The following TMCO4 variants were observed in gnomAD, a reference collection of about 807,000 sequenced individuals.
The protein encoded by TMCO4 is transmembrane and coiled-coil domain-containing protein 4.
A neutral mutation model predicts 64.7 loss-of-function variants in TMCO4; 58 were observed. The observed-to-expected ratio is 0.90, with a 90% CI of 0.73 to 1.12. The LOEUF (loss-of-function observed/expected upper bound fraction) is 1.12, where lower values mean the gene tolerates loss of function less well. Ranked by LOEUF, TMCO4 falls within the 50% of genes most tolerant of loss-of-function variation. TMCO4 has a pLI of 0.00. For missense variants in TMCO4, 780 were observed against 825.9 expected (o/e 0.94, Z 0.68); for synonymous variants, 325 against 346.1 (o/e 0.94, Z 0.68).
intron 4 of TMCO4, among the ~76,000 whole-genome samples, chr1:19,774,020 T>G (rs959047080): frequency 6.6e-6 from 1 of 152,030 alleles, no homozygotes; most frequent in African/African-American, 2.4e-5. Flanking sequence ...CACAGGTGAG[T>G]TGGGCAGGTT....
At chr1:19,763,171 G>A (rs550857342) in intron 6 of TMCO4, among the ~76,000 whole-genome samples, 1 of 152,150 alleles carries the variant, frequency 6.6e-6, no homozygotes, top group South Asian at 2.1e-4. Flanking sequence ...CGTCTCCAGG[G>A]TTCAAGCGAT....
chr1:19,706,371 T>G (rs976939721), intron 13 of TMCO4, among the ~76,000 whole-genome samples: 3 of 152,236 alleles, frequency 2.0e-5, no homozygotes, highest in Non-Finnish European at 4.4e-5. Flanking sequence ...CACTGCCCTT[T>G]CACTGCATGG....
At chr1:19,782,640 G>A (rs2043545084) in intron 3 of TMCO4, among the ~76,000 whole-genome samples, 1 of 152,152 alleles carries the variant, frequency 6.6e-6, no homozygotes, top group Non-Finnish European at 1.5e-5. Context: ...TTCCCAGGGG[G>A]AAAAGGGAAA....
chr1:19,743,481 T>C lies in TMCO4; in HGVS notation c.877+2051A>G, dbSNP rs2041625361. The stretch of plus-strand genomic sequence containing the variant: ...GTAGGAATATGTGATATTTTTTCCT[T>C]CTGAAACTTTCTCTAGCTTGGTTGT... On this transcript the variant is annotated intron_variant, in intron 10 of 15. Transcript: ENST00000294543. The surrounding 1 kb of genome is among the most constrained non-coding windows in gnomAD (Gnocchi z 4.1). Among the ~76,000 whole-genome samples, 1 of 152,192 alleles carries C rather than the reference T, an allele frequency of 6.6e-6. No individual in the cohort carries two copies. Among genetic ancestry groups the C allele is most frequent in the African/African-American group, 2.4e-5 (1 of 41,444 alleles).
At position 19,682,992 on chromosome 1, in the gene TMCO4, G is replaced by C; in HGVS notation, c.*48C>G. ...GGGAGGAACCCGAGGGTATAAGAGAGAGCTGCATATGGAGACTGGGGAAGA... is the reference window on the plus strand; with the variant it reads ...GGGAGGAACCCGAGGGTATAAGAGACAGCTGCATATGGAGACTGGGGAAGA... On this transcript the variant is annotated 3_prime_UTR_variant, in exon 16 of 16. Coordinates refer to ENST00000294543, the MANE Select transcript of TMCO4 (RefSeq NM_181719.7). The C allele has an allele frequency of 6.6e-7, 1 of 1,525,836 alleles. No individual in the cohort carries two copies. The highest frequency in any genetic ancestry group is 8.8e-7 in the Non-Finnish European group (1 of 1,140,274). 94.5% of individuals were successfully genotyped at this position (1,525,836 alleles called of 1,614,324 possible).
At position 19,760,085 on chromosome 1, in the gene TMCO4, T is replaced by G. The variant is rs2042431422; in HGVS notation, c.383-4319A>C. Among the ~76,000 whole-genome samples, 4 of 152,080 alleles carry G rather than the reference T, an allele frequency of 2.6e-5. No homozygotes were observed. The South Asian group carries it at 8.3e-4, about 32-fold the overall frequency. On this transcript the variant is annotated intron_variant, in intron 6 of 15. Coordinates refer to ENST00000294543, the MANE Select transcript of TMCO4 (RefSeq NM_181719.7). ...CCCCAGGGGACTAGGGGAGAGTGGA[T>G]TAATGGGTTAAGGCCTCTCTCCTCC...
chr1:19,695,808 A>G (rs1339070627), intron 14 of TMCO4, among the ~76,000 whole-genome samples: 1 of 151,252 alleles, frequency 6.6e-6, no homozygotes, highest in East Asian at 2.0e-4. Context: ...TCCTCTACAG[A>G]CTCTCCTGCT....
intron 14 of TMCO4, among the ~76,000 whole-genome samples, chr1:19,697,677 T>C (rs192834732): frequency 0.013 from 1,739 of 134,886 alleles, 16 homozygotes; most frequent in Non-Finnish European, 0.021. Flanking sequence ...TGGCTCATTG[T>C]ACCCTCTGCC....
intron 15 of TMCO4, among the ~76,000 whole-genome samples, chr1:19,686,156 GAC>G (rs1029247809): frequency 2.0e-5 from 3 of 152,226 alleles, no homozygotes; most frequent in East Asian, 1.9e-4. Flanking sequence ...TTTGCTTAAT[GAC>G]ACACAGCGCA....
In TMCO4 at chr1:19,683,283, C is replaced by T; in HGVS notation, c.1662G>A (p.Glu554=). ...GGGTTTGCCCAACCTGGTGGGGGGT[C>T]TCGCCTGATGAGGCGGCAGCTGCTG... The part of the protein sequence containing the change: ...RQAAAAASSG[E]TPHQVGQTQG... Residue 554 remains glutamate (E), a synonymous_variant, in exon 16 of 16, where the codon GAG becomes GAA. Transcript: ENST00000294543. 6.2e-7 allele frequency: 1 copy of T among 1,614,074 alleles called. No homozygotes were observed. Among genetic ancestry groups the T allele is most frequent in the Non-Finnish European group, 8.5e-7 (1 of 1,179,984 alleles).
chr1:19,728,743 G>C lies in TMCO4; in HGVS notation c.1264+8629C>G, dbSNP rs547342137. ...GGTTCCCGGGCACCATCCAACACTGGGGTTCTCACCCAAGCACCCTCAGAG... is the reference window on the plus strand; with the variant it reads ...GGTTCCCGGGCACCATCCAACACTGCGGTTCTCACCCAAGCACCCTCAGAG... On this transcript the variant is annotated intron_variant, in intron 13 of 15. Transcript: ENST00000294543. Among the ~76,000 whole-genome samples the C allele has an allele frequency of 1.5e-3, 229 of 152,230 alleles. 1 individual carries two copies. Among genetic ancestry groups the C allele is most frequent in the African/African-American group, 5.3e-3 (221 of 41,540 alleles).
rs1432396885 is a variant in TMCO4 at position 19,733,607 on chromosome 1, C to T, written c.1264+3765G>A. Reference sequence around the variant, plus strand: ...GGGAGCTATTTCCAAAATAGGGGTGCCTGATCCCTTCCATATAGGGGCCTC... The same window carrying T: ...GGGAGCTATTTCCAAAATAGGGGTGTCTGATCCCTTCCATATAGGGGCCTC... On this transcript the variant is annotated intron_variant, in intron 13 of 15. Transcript: ENST00000294543. Among the ~76,000 whole-genome samples, 4 of 152,144 alleles carry T rather than the reference C, an allele frequency of 2.6e-5. No individual in the cohort carries two copies. In the East Asian group the frequency reaches 7.7e-4, roughly 29 times the overall value.
intron 13 of TMCO4, among the ~76,000 whole-genome samples, chr1:19,718,359 A>G (rs932651582): frequency 1.3e-5 from 2 of 151,340 alleles, no homozygotes; most frequent in Non-Finnish European, 2.9e-5. Flanking sequence ...AATAAATAAT[A>G]AAAATAAAAA....
intron 13 of TMCO4, among the ~76,000 whole-genome samples, chr1:19,727,813 A>G (rs912984519): frequency 9.9e-5 from 15 of 152,252 alleles, no homozygotes; most frequent in Non-Finnish European, 1.9e-4. Flanking sequence ...CTAAATGCCC[A>G]TCAATGGTAG....
chr1:19,740,929 G>A lies in TMCO4; in HGVS notation c.890C>T (p.Ala297Val). Residue 297 changes from alanine to valine, a missense_variant, in exon 11 of 16, where the codon GCC (alanine) becomes GTC (valine). Transcript: ENST00000294543. The stretch of plus-strand genomic sequence containing the variant: ...GCTGTGGGCCAGGGCAGCCCACGGG[G>A]CACTGAAGGTGCCTGGGGAGATCAC... ...LASGKYRTFS[A>V]PWAALAHSRE... The A allele has an allele frequency of 6.2e-7, 1 of 1,610,482 alleles. No homozygotes were observed. Among genetic ancestry groups the A allele is most frequent in the African/African-American group, 1.3e-5 (1 of 74,954 alleles).
At position 19,683,758 on chromosome 1, in the gene TMCO4, C is replaced by CTTTTTTTTTTTTTTTTTTTTTT. The variant is rs531431284; in HGVS notation, c.1501-336_1501-315dup. Among the ~76,000 whole-genome samples, 2 of 79,050 alleles carry CTTTTTTTTTTTTTTTTTTTTTT rather than the reference C, an allele frequency of 2.5e-5. 1 individual carries two copies. Among genetic ancestry groups the CTTTTTTTTTTTTTTTTTTTTTT allele is most frequent in the African/African-American group, 1.0e-4 (2 of 19,512 alleles). The allele number at this position is 79,050 out of a possible 152,430, so 51.9% of individuals were successfully genotyped here. A position where few individuals can be genotyped will look rare whatever the true frequency, so the allele number is the denominator to read the frequency against. On this transcript the variant is annotated intron_variant, in intron 15 of 15. Transcript: ENST00000294543. ...AGAAGCTCTCGTTCTTTGTCTGAAG[C>CTTTTTTTTTTTTTTTTTTTTTT]TTTTTTTTTTTTTTTTTTTTTTTTT...
chr1:19,695,843 C>T (rs1174519229), intron 14 of TMCO4, among the ~76,000 whole-genome samples: 3 of 152,160 alleles, frequency 2.0e-5, no homozygotes, highest in Non-Finnish European at 2.9e-5. Flanking sequence ...GATCATCCGT[C>T]CCTAACTCCT....
chr1:19,737,296 G>A (rs2095459068), intron 13 of TMCO4, 76 bp downstream of exon 13: 7 of 1,448,456 alleles, frequency 4.8e-6, no homozygotes, highest in African/African-American at 1.4e-5. Context: ...AAGGCTCATG[G>A]CCCCTGGCCC....
chr1:19,683,758 CTTTTTTTTTTTTT>C (rs531431284), intron 15 of TMCO4, among the ~76,000 whole-genome samples: 2,716 of 79,124 alleles, frequency 0.034, 110 homozygotes, highest in African/African-American at 0.13. Context: ...TTGTCTGAAG[CTTTTTTTTTTTTT>C]TTTTTTTTTT....
Sources: allele counts gnomAD v4.1 joint callset (sites outside exome capture counted in the v4.1 genomes callset), GRCh38; gene constraint gnomAD v4.1.1; non-coding constraint Gnocchi (gnomAD v3.1); transcripts MANE v1.5; gene names NCBI Gene and HGNC (gene_info 2026-07-23, HGNC 2026-07-21).